OSBPL2: variants seen among roughly 807,000 people sequenced by gnomAD.
OSBPL2 encodes oxysterol binding protein like 2.
OSBPL2 carries 18 observed loss-of-function variants against 58.4 expected under a neutral mutation model. The ratio of observed to expected loss-of-function variants is 0.31; its 90% CI spans 0.21 to 0.46. The LOEUF (loss-of-function observed/expected upper bound fraction) is 0.46, where lower values mean the gene tolerates loss of function less well. Among genes scored for constraint, OSBPL2 ranks in the 20% least tolerant of loss-of-function variants. The pLI, the probability that OSBPL2 is intolerant of heterozygous loss-of-function variation, is 1.00. For missense variants in OSBPL2, 461 were observed against 616.5 expected (o/e 0.75, Z 2.67); for synonymous variants, 221 against 234.1 (o/e 0.94, Z 0.51).
intron 7 of OSBPL2, among the ~76,000 whole-genome samples, chr20:62,279,706 C>T (rs1420511435): frequency 6.6e-6 from 1 of 152,244 alleles, no homozygotes; most frequent in East Asian, 1.9e-4. Context: ...GCAGCTTCCA[C>T]ACCAGGCTGG....
At chr20:62,259,385 C>T (rs1465096045) in intron 2 of OSBPL2, among the ~76,000 whole-genome samples, 1 of 152,246 alleles carries the variant, frequency 6.6e-6, no homozygotes, top group Admixed American at 6.5e-5. Flanking sequence ...CTGGATCTCA[C>T]TCACATTCTA....
intron 5 of OSBPL2, among the ~76,000 whole-genome samples, chr20:62,272,646 C>T (rs1982138459): frequency 1.3e-5 from 2 of 152,188 alleles, no homozygotes; most frequent in Non-Finnish European, 2.9e-5. Context: ...TGCCTGTAAT[C>T]CCAACACTTC....
chr20:62,278,912 TTGTG>T (rs796089790), intron 6 of OSBPL2: 3 of 466,384 alleles, frequency 6.4e-6, no homozygotes, highest in Non-Finnish European at 7.6e-6. Flanking sequence ...AATGTCATGT[TTGTG>T]TGTGTGTGTC....
intron 1 of OSBPL2, among the ~76,000 whole-genome samples, chr20:62,240,922 G>T (rs1041202554): frequency 6.6e-6 from 1 of 152,228 alleles, no homozygotes. Context: ...GGGCATGGGT[G>T]CTGACAGGCG....
intron 4 of OSBPL2, among the ~76,000 whole-genome samples, chr20:62,267,547 C>T (rs1366289269): frequency 6.6e-6 from 1 of 152,108 alleles, no homozygotes; most frequent in Non-Finnish European, 1.5e-5. Context: ...AGGAGGCCAC[C>T]GGGGTAGTCT....
intron 6 of OSBPL2, chr20:62,278,176 G>A (rs1314603838): frequency 5.7e-6 from 1 of 176,210 alleles, no homozygotes; most frequent in Admixed American, 6.4e-5. Context: ...TGCTCTGGAA[G>A]CCATGTGTGT....
chr20:62,283,975 G>A (rs201248940), intron 9 of OSBPL2, 71 bp from the exon 10 acceptor site: 1 of 1,439,114 alleles, frequency 6.9e-7, no homozygotes, highest in East Asian at 2.3e-5. Context: ...ATTTATTCCA[G>A]GGTGCCACAT....
intron 1 of OSBPL2, chr20:62,255,279 G>C (rs1219922232): frequency 2.0e-5 from 3 of 151,418 alleles, no homozygotes; most frequent in Admixed American, 2.0e-4. Flanking sequence ...TGTATTTATA[G>C]TAGAGACAGG....
chr20:62,282,225 C>T (rs1347547668), intron 9 of OSBPL2: 2 of 194,962 alleles, frequency 1.0e-5, no homozygotes, highest in South Asian at 9.1e-5. Flanking sequence ...TGTGGCCTTG[C>T]GTTTTCCTTC....
In OSBPL2 at chr20:62,253,895, G is replaced by A. The variant is rs975513739; in HGVS notation, c.-128-2162G>A. 2.0e-5 allele frequency among the ~76,000 whole-genome samples: 3 copies of A among 152,056 alleles called. No homozygotes were observed. In the East Asian group the frequency reaches 5.8e-4, roughly 29 times the overall value. ...CAACCTCTGCCTCCCGGGTTCAAGC[G>A]ATTCACCTGTCTCAGCCTCCCAAGT... On this transcript the variant is annotated intron_variant, in intron 1 of 13. Coordinates refer to ENST00000313733, the MANE Select transcript of OSBPL2 (RefSeq NM_144498.4).
At chr20:62,248,528 C>T (rs1980304898) in intron 1 of OSBPL2, among the ~76,000 whole-genome samples, 1 of 152,164 alleles carries the variant, frequency 6.6e-6, no homozygotes, top group Non-Finnish European at 1.5e-5. Flanking sequence ...TCAGTGCACT[C>T]TCTGTGTCCA....
chr20:62,256,908 A>G (rs1003329751), intron 2 of OSBPL2, among the ~76,000 whole-genome samples: 3 of 151,822 alleles, frequency 2.0e-5, no homozygotes, highest in Admixed American at 6.6e-5. Context: ...TTCATTCTCC[A>G]CTCTTCTGTG....
intron 12 of OSBPL2, chr20:62,291,161 T>C (rs952160326): frequency 1.6e-5 from 3 of 183,844 alleles, no homozygotes; most frequent in African/African-American, 7.2e-5. Context: ...CGCGCCCAGC[T>C]TGAATTAGTG....
intron 7 of OSBPL2, chr20:62,280,225 T>C (rs1982693568): frequency 1.2e-6 from 1 of 858,426 alleles, no homozygotes; most frequent in Admixed American, 3.0e-5. Flanking sequence ...TGATGAAGCA[T>C]TTGATTTGGG....
intron 1 of OSBPL2, among the ~76,000 whole-genome samples, chr20:62,248,033 A>G (rs144522217): frequency 0.015 from 2,345 of 152,172 alleles, 29 homozygotes; most frequent in Non-Finnish European, 0.023. Flanking sequence ...TCAGCAAAAT[A>G]CCACATAAGG....
At chr20:62,279,833 CAG>C in intron 7 of OSBPL2, 1 of 549,116 alleles carries the variant, frequency 1.8e-6, no homozygotes, top group Non-Finnish European at 2.3e-6. Context: ...CTGCCTCCCA[CAG>C]GGGGAGAGAG....
Position 62,247,729 on chromosome 20 carries a change from C to T in OSBPL2, c.-128-8328C>T, listed in dbSNP as rs2145916417. On this transcript the variant is annotated intron_variant, in intron 1 of 13. Transcript: ENST00000313733. ...TCGCCCAGGCTGGAGTGCAGTGGTG[C>T]AATCTCAGCTCACTGCAATCTCCTC... is the stretch of plus-strand genomic sequence containing the variant. Among the ~76,000 whole-genome samples the T allele has an allele frequency of 1.3e-5, 2 of 149,128 alleles. 1 individual carries two copies. Among genetic ancestry groups the T allele is most frequent in the South Asian group, 4.2e-4 (2 of 4,714 alleles).
At position 62,272,201 on chromosome 20, in the gene OSBPL2, A is replaced by C; in HGVS notation, c.335A>C (p.Glu112Ala). ...TTGCAGCGGATCACGGAGTACATGG[A>C]GCACGTGTACCTCATCCACAGGGCC... ...SFLQRITEYM[E>A]HVYLIHRASC... is the part of the protein sequence containing the mutation. The change falls in exon 5 of 14, where the codon GAG becomes GCG. Residue 112 changes from glutamate to alanine, a missense_variant. Transcript: ENST00000313733. The C allele has an allele frequency of 6.2e-7, 1 of 1,613,772 alleles. No homozygotes were observed. Among genetic ancestry groups the C allele is most frequent in the Non-Finnish European group, 8.5e-7 (1 of 1,179,916 alleles).
intron 12 of OSBPL2, chr20:62,291,491 T>C (rs1983504718): frequency 5.0e-6 from 3 of 597,672 alleles, no homozygotes; most frequent in Admixed American, 2.4e-5. Context: ...CCCCATGCTC[T>C]ACTCAGCTCC....
Sources: allele counts gnomAD v4.1 joint callset (sites outside exome capture counted in the v4.1 genomes callset), GRCh38; gene constraint gnomAD v4.1.1; transcripts MANE v1.5; gene names NCBI Gene and HGNC (gene_info 2026-07-23, HGNC 2026-07-21).